PRKAA1: variants seen among roughly 807,000 people sequenced by gnomAD.
PRKAA1 encodes the protein protein kinase AMP-activated catalytic subunit alpha 1, also known as 5'-AMP-activated protein kinase catalytic subunit alpha-1.
A neutral mutation model predicts 56.9 loss-of-function variants in PRKAA1; 23 were observed. That is an observed-to-expected ratio of 0.40 (90% CI 0.29 to 0.57). The LOEUF (loss-of-function observed/expected upper bound fraction) is 0.57. PRKAA1 is among the 20% of genes least tolerant of loss of function. The pLI is 0.39. For missense variants in PRKAA1, 413 were observed against 679.7 expected (o/e 0.61, Z 4.36); for synonymous variants, 226 against 227.0 (o/e 1.00, Z 0.04).
In PRKAA1 at chr5:40,762,565, T is replaced by C. The variant is rs575564988; in HGVS notation, c.*213A>G. ...AATTCACTGTGTATATTATGCTATA[T>C]ACATACTGCACAATGAACAACAAAA... is the stretch of plus-strand genomic sequence containing the variant. On this transcript the variant is annotated 3_prime_UTR_variant, in exon 9 of 9. Transcript: ENST00000397128. 4 of 580,194 alleles carry C rather than the reference T, an allele frequency of 6.9e-6. No homozygotes were observed. Among genetic ancestry groups the C allele is most frequent in the South Asian group, 6.1e-5 (3 of 49,202 alleles). 35.9% of individuals were successfully genotyped at this position (580,194 alleles called of 1,614,324 possible).
Position 40,792,272 on chromosome 5 carries a change from T to G in PRKAA1, c.127+5791A>C, listed in dbSNP as rs539909069. 9.8e-5 allele frequency among the ~76,000 whole-genome samples: 15 copies of G among 152,356 alleles called. No homozygotes were observed. In the East Asian group the frequency reaches 2.9e-3, roughly 29 times the overall value. On this transcript the variant is annotated intron_variant, in intron 1 of 8. Transcript: ENST00000397128. ...ACACCTTGGAAATTGTTCTCTAAAA[T>G]ATACAAAGTTCCTCCCTTTTTCTTC...
In PRKAA1 at chr5:40,764,651, G is replaced by T. The variant is rs1743340953; in HGVS notation, c.1309-11C>A. On this transcript the variant is annotated splice_polypyrimidine_tract_variant and intron_variant, in intron 7 of 8. Transcript: ENST00000397128. ...ATATGGGTTTACAACCTAGCACATGGTATAACAAAAACCAAGTCAAAAGTA... is the reference window on the plus strand; with the variant it reads ...ATATGGGTTTACAACCTAGCACATGTTATAACAAAAACCAAGTCAAAAGTA... 1 of 1,610,604 alleles carries T rather than the reference G, an allele frequency of 6.2e-7. No homozygotes were observed. Among genetic ancestry groups the T allele is most frequent in the South Asian group, 1.1e-5 (1 of 90,748 alleles).
At chr5:40,775,354 G>C in intron 3 of PRKAA1, 56 bp downstream of exon 3, 1 of 1,367,646 alleles carries the variant, frequency 7.3e-7, no homozygotes, top group South Asian at 1.2e-5. Context: ...TTTGATGCTA[G>C]TAAAGGATAA....
rs1744078542 is a variant in PRKAA1, at chr5:40,777,710, G to T, written c.128-124C>A. 6.9e-6 allele frequency: 6 copies of T among 871,136 alleles called. No individual in the cohort carries two copies. The South Asian group carries it at 9.9e-5, about 14-fold the overall frequency. The allele number at this position is 871,136 out of a possible 1,614,324, so 54.0% of individuals were successfully genotyped here. The stretch of plus-strand genomic sequence containing the variant: ...GCACTTTGGGAGGCCGAGGCGAGTA[G>T]ATCACTTGAGGTCAGGAGTTCGAAA... On this transcript the variant is annotated intron_variant, in intron 1 of 8. Transcript: ENST00000397128.
chr5:40,768,437 C>A, intron 5 of PRKAA1: 1 of 928,362 alleles, frequency 1.1e-6, no homozygotes, highest in Non-Finnish European at 1.3e-6. Flanking sequence ...TCCACAGTCT[C>A]CATGTCCTGA....
chr5:40,789,103 T>C (rs1401760235), intron 1 of PRKAA1, among the ~76,000 whole-genome samples: 1 of 151,130 alleles, frequency 6.6e-6, no homozygotes, highest in Non-Finnish European at 1.5e-5. Context: ...CCCAGCTACT[T>C]GGGAGGCAGA....
chr5:40,773,047 T>A (rs969773284), intron 3 of PRKAA1, among the ~76,000 whole-genome samples: 1 of 152,176 alleles, frequency 6.6e-6, no homozygotes, highest in East Asian at 1.9e-4. Context: ...ATTTAATAAA[T>A]AAGCTATTAA....
At chr5:40,794,356 ATTTG>A (rs1385266610) in intron 1 of PRKAA1, among the ~76,000 whole-genome samples, 2 of 151,830 alleles carry the variant, frequency 1.3e-5, no homozygotes, top group Non-Finnish European at 2.9e-5. Context: ...TTTCTTACTT[ATTTG>A]TTTGAGTTCA....
Position 40,765,574 on chromosome 5 carries a change from C to T in PRKAA1, c.822-336G>A, listed in dbSNP as rs547200463. Among the ~76,000 whole-genome samples, 3 of 152,202 alleles carry T rather than the reference C, an allele frequency of 2.0e-5. No homozygotes were observed. In the East Asian group the frequency reaches 5.8e-4, roughly 29 times the overall value. On this transcript the variant is annotated intron_variant, in intron 6 of 8. Coordinates refer to ENST00000397128, the MANE Select transcript of PRKAA1 (RefSeq NM_006251.6). ...TATTAGGTAGCTTCATTATAATACTCTTTTGATATAATGTTAAGTGAAGAT... is the reference window on the plus strand; with the variant it reads ...TATTAGGTAGCTTCATTATAATACTTTTTTGATATAATGTTAAGTGAAGAT...
In PRKAA1 at chr5:40,767,556, G is replaced by A. The variant is rs1743521732; in HGVS notation, c.731C>T (p.Thr244Ile). The A allele has an allele frequency of 6.8e-6, 11 of 1,613,440 alleles. No individual in the cohort carries two copies. The highest frequency in any genetic ancestry group is 8.5e-6 in the Non-Finnish European group (10 of 1,179,542). The stretch of plus-strand genomic sequence containing the variant: ...CACAGAAGGATTTAAATATTGAGGG[G>A]TATAGAAGATCCCATCACATATCTT... ...FKKICDGIFY[T>I]PQYLNPSVIS... The change falls in exon 6 of 9, where the codon ACC becomes ATC. Residue 244 changes from threonine (T) to isoleucine (I), a missense_variant. By Grantham distance (89) the Thr-to-Ile change is moderately conservative. This residue lies in a region of PRKAA1 where 113 missense variants were observed against 198.6 expected (regional missense o/e 0.57). Transcript: ENST00000397128.
intron 3 of PRKAA1, among the ~76,000 whole-genome samples, chr5:40,773,882 G>C (rs1300336226): frequency 6.6e-6 from 1 of 152,200 alleles, no homozygotes; most frequent in Non-Finnish European, 1.5e-5. Context: ...CCAAGGCAGG[G>C]ATAAGGCATC....
chr5:40,762,454 T>A lies in PRKAA1; in HGVS notation c.*324A>T, dbSNP rs1481927368. On this transcript the variant is annotated 3_prime_UTR_variant, in exon 9 of 9. Coordinates refer to ENST00000397128, the MANE Select transcript of PRKAA1 (RefSeq NM_006251.6). The stretch of plus-strand genomic sequence containing the variant: ...GTAATATATAACACGTAATAATATA[T>A]GAAGGCCTTTATGTAAATTAATATT... The A allele has an allele frequency of 4.3e-6, 1 of 232,028 alleles. No individual in the cohort carries two copies. The highest frequency in any genetic ancestry group is 8.6e-6 in the Non-Finnish European group (1 of 116,352). The allele number at this position is 232,028 out of a possible 1,614,324, so 14.4% of individuals were successfully genotyped here. A position where few individuals can be genotyped will look rare whatever the true frequency, so the allele number is the denominator to read the frequency against.
chr5:40,788,092 G>A (rs1181463410), intron 1 of PRKAA1, among the ~76,000 whole-genome samples: 2 of 152,186 alleles, frequency 1.3e-5, no homozygotes, highest in African/African-American at 4.8e-5. Context: ...GAACAAAGCT[G>A]GAGGCATCAC....
chr5:40,789,279 A>G (rs1561187155), intron 1 of PRKAA1, among the ~76,000 whole-genome samples: 1 of 152,202 alleles, frequency 6.6e-6, no homozygotes, highest in Non-Finnish European at 1.5e-5. Flanking sequence ...GAACATCTCT[A>G]ATCATAAGAG....
At chr5:40,780,690 C>T (rs1160498646) in intron 1 of PRKAA1, among the ~76,000 whole-genome samples, 1 of 152,224 alleles carries the variant, frequency 6.6e-6, no homozygotes, top group South Asian at 2.1e-4. Context: ...GTCCAAATGC[C>T]AACAAGCCTG....
At chr5:40,791,939 A>G (rs530548734) in intron 1 of PRKAA1, among the ~76,000 whole-genome samples, 1 of 152,386 alleles carries the variant, frequency 6.6e-6, no homozygotes, top group African/African-American at 2.4e-5. Flanking sequence ...GTAGGAATCC[A>G]TAAAAAATAT....
intron 1 of PRKAA1, among the ~76,000 whole-genome samples, chr5:40,783,621 T>G (rs1276503947): frequency 6.6e-6 from 1 of 152,044 alleles, no homozygotes; most frequent in Admixed American, 6.5e-5. Flanking sequence ...TAACCAGGCG[T>G]GTTGGCACGC....
At position 40,762,798 on chromosome 5, in the gene PRKAA1, T is replaced by C. The variant is rs1743250553; in HGVS notation, c.1660A>G (p.Ile554Val). 2 of 1,613,822 alleles carry C rather than the reference T, an allele frequency of 1.2e-6. No individual in the cohort carries two copies. Among genetic ancestry groups the C allele is most frequent in the South Asian group, 1.1e-5 (1 of 91,034 alleles). ...IEFFEMCANLIKILAQ is the reference protein window; with the variant it reads ...IEFFEMCANLVKILAQ ...TCTGTTTATTGTGCAAGAATTTTAA[T>C]TAGATTTGCACACATCTCAAAAAAT... Residue 554 changes from isoleucine (I) to valine (V), a missense_variant, in exon 9 of 9, where the codon ATT becomes GTT. Coordinates refer to ENST00000397128, the MANE Select transcript of PRKAA1 (RefSeq NM_006251.6).
At position 40,762,506 on chromosome 5, in the gene PRKAA1, A is replaced by T; in HGVS notation, c.*272T>A. ...CAAAGCCCTGTGTACACTAAATATAAAATAGCCAAAAATCAAGTAAGCCTG... is the reference window on the plus strand; with the variant it reads ...CAAAGCCCTGTGTACACTAAATATATAATAGCCAAAAATCAAGTAAGCCTG... On this transcript the variant is annotated 3_prime_UTR_variant, in exon 9 of 9. Coordinates refer to ENST00000397128, the MANE Select transcript of PRKAA1 (RefSeq NM_006251.6). The T allele has an allele frequency of 2.8e-6, 1 of 362,722 alleles. No individual in the cohort carries two copies. Among genetic ancestry groups the T allele is most frequent in the Non-Finnish European group, 5.1e-6 (1 of 196,484 alleles). The allele number at this position is 362,722 out of a possible 1,614,324, so 22.5% of individuals were successfully genotyped here.
Sources: gnomAD v4.1 joint callset for allele counts (sites outside exome capture counted in the v4.1 genomes callset) on GRCh38, gnomAD v4.1.1 for gene constraint, gnomAD v4.1.1 regional missense constraint, MANE v1.5 for transcripts, NCBI Gene and HGNC (gene_info 2026-07-23, HGNC 2026-07-21) for gene names.